Variants in AK8 observed in about 807,000 individuals in gnomAD.
AK8 encodes the protein ATP-AMP transphosphorylase 8.
A neutral mutation model predicts 54.6 loss-of-function variants in AK8; 44 were observed. That is an observed-to-expected ratio of 0.81 (90% CI 0.63 to 1.04). The LOEUF (loss-of-function observed/expected upper bound fraction) is 1.04. Among genes scored for constraint, AK8 ranks in the 50% least tolerant of loss-of-function variants. The pLI is 0.00. For missense variants in AK8, 555 were observed against 613.6 expected, an observed-to-expected ratio of 0.90 and a Z score of 1.01; for synonymous variants, 239 against 245.6, an observed-to-expected ratio of 0.97 and a Z score of 0.25.
intron 11 of AK8, among the ~76,000 whole-genome samples, chr9:132,730,434 CTG>C (rs1491097189): frequency 1.3e-5 from 1 of 78,562 alleles, no homozygotes; most frequent in Non-Finnish European, 2.6e-5. Context: ...TGCCCACTGC[CTG>C]TTTTTTTTTT....
intron 11 of AK8, among the ~76,000 whole-genome samples, chr9:132,779,899 T>C (rs991490923): frequency 6.6e-6 from 1 of 152,210 alleles, no homozygotes; most frequent in African/African-American, 2.4e-5. Flanking sequence ...AGCAAGGACA[T>C]GGCTTCTCTA....
At chr9:132,878,946 A>C (rs1045851986), upstream of AK8, 2 of 199,040 alleles carry the variant, frequency 1.0e-5, no homozygotes, top group Non-Finnish European at 1.8e-5. The surrounding 1 kb of genome is among the most constrained non-coding windows in gnomAD (Gnocchi z 4.7). Flanking sequence ...CGGGGCACCG[A>C]CACTCACGGA....
chr9:132,866,970 T>C lies in AK8; in HGVS notation c.170-17A>G, dbSNP rs779726242. 4 of 1,613,826 alleles carry C rather than the reference T, an allele frequency of 2.5e-6. No homozygotes were observed. The highest frequency in any genetic ancestry group is 1.7e-5 in the Admixed American group (1 of 60,006). On this transcript the variant is annotated splice_polypyrimidine_tract_variant and intron_variant, in intron 2 of 12. Transcript: ENST00000298545. The stretch of plus-strand genomic sequence containing the variant: ...TCCTGGGCACTGTGGAATAAAAAGA[T>C]TTGAATGTCACCACTCAACATGACA...
chr9:132,861,877 C>T (rs1843402947), intron 4 of AK8, among the ~76,000 whole-genome samples: 2 of 152,206 alleles, frequency 1.3e-5, no homozygotes, highest in Admixed American at 1.3e-4. Flanking sequence ...GCCTGACATC[C>T]AGGCCTTTCA....
intron 10 of AK8, among the ~76,000 whole-genome samples, chr9:132,811,827 T>C (rs997262490): frequency 4.6e-5 from 7 of 152,210 alleles, no homozygotes; most frequent in Admixed American, 2.0e-4. Context: ...TTTAGTATTA[T>C]TGAAGGACTG....
chr9:132,827,338 GACTC>G (rs1841915064), intron 7 of AK8: 2 of 495,712 alleles, frequency 4.0e-6, no homozygotes, highest in Non-Finnish European at 3.7e-6. Context: ...GGCACCTGCA[GACTC>G]CCATTTCATC....
intron 11 of AK8, among the ~76,000 whole-genome samples, chr9:132,745,533 A>G (rs1016589989): frequency 5.9e-5 from 9 of 152,178 alleles, no homozygotes; most frequent in African/African-American, 2.2e-4. Flanking sequence ...TGTCTGGGCC[A>G]TTAGGTGATT....
At position 132,766,546 on chromosome 9, in the gene AK8, T is replaced by C. The variant is rs536893783; in HGVS notation, c.1121+26088A>G. ...TTCCATGTTCATGGATTGGAAGAAT[T>C]AATATTGTGAAAGTGACCATACTAC... On this transcript the variant is annotated intron_variant, in intron 11 of 12. Coordinates refer to ENST00000298545, the MANE Select transcript of AK8 (RefSeq NM_152572.3). Among the ~76,000 whole-genome samples the C allele has an allele frequency of 3.9e-5, 6 of 152,254 alleles. 1 individual carries two copies. In the South Asian group the frequency reaches 1.2e-3, roughly 32 times the overall value.
chr9:132,822,617 T>A (rs1482980023), intron 9 of AK8, among the ~76,000 whole-genome samples: 1 of 151,964 alleles, frequency 6.6e-6, no homozygotes, highest in African/African-American at 2.4e-5. Flanking sequence ...CATCCCTTTA[T>A]CCTCCTGAAC....
intron 8 of AK8, among the ~76,000 whole-genome samples, chr9:132,823,693 T>C (rs1456798968): frequency 2.6e-5 from 4 of 152,212 alleles, no homozygotes; most frequent in East Asian, 3.8e-4. Context: ...GCACTCTCTA[T>C]AGGGCTGGTG....
chr9:132,871,600 A>AC (rs929105457), intron 2 of AK8, among the ~76,000 whole-genome samples: 110 of 151,846 alleles, frequency 7.2e-4, no homozygotes, highest in African/African-American at 2.3e-3. Context: ...AGGAGGACAG[A>AC]CCCCCCCGGC....
At chr9:132,877,866 G>T (rs754219632) in intron 1 of AK8, 1 of 643,914 alleles carries the variant, frequency 1.6e-6, no homozygotes, top group South Asian at 1.5e-5. Flanking sequence ...GGGAAACCGA[G>T]AAAAGGAAAG....
At chr9:132,741,425 G>T (rs181934961) in intron 11 of AK8, among the ~76,000 whole-genome samples, 66 of 152,310 alleles carry the variant, frequency 4.3e-4, no homozygotes, top group African/African-American at 1.5e-3. Flanking sequence ...GATCAACACT[G>T]AAGTCGCTCT....
chr9:132,871,750 G>A (rs1475915340), intron 2 of AK8, among the ~76,000 whole-genome samples: 5 of 152,236 alleles, frequency 3.3e-5, no homozygotes, highest in Admixed American at 1.3e-4. Context: ...CCAGACCTTC[G>A]GATGAAGGGA....
At chr9:132,846,492 C>T (rs1375629459) in intron 5 of AK8, among the ~76,000 whole-genome samples, 3 of 150,528 alleles carry the variant, frequency 2.0e-5, no homozygotes, top group Non-Finnish European at 4.4e-5. Flanking sequence ...TGATTTGTTG[C>T]ATGAGAGAAT....
chr9:132,772,928 C>T (rs559052315), intron 11 of AK8, among the ~76,000 whole-genome samples: 1 of 152,298 alleles, frequency 6.6e-6, no homozygotes, highest in South Asian at 2.1e-4. Context: ...TGCCAACAGC[C>T]CTATACCTGG....
In AK8 at chr9:132,770,682, G is replaced by A. The variant is rs376685746; in HGVS notation, c.1121+21952C>T. 6.6e-6 allele frequency among the ~76,000 whole-genome samples: 1 copy of A among 152,338 alleles called. No homozygotes were observed. The highest frequency in any genetic ancestry group is 1.9e-4 in the East Asian group (1 of 5,168). ...TGGGCCGAGATCGAGACCGGGACAA[G>A]GCAGGGAAGAGCGGGATGGGTCGGC... On this transcript the variant is annotated intron_variant, in intron 11 of 12. Transcript: ENST00000298545. This position sits in a 1 kb window ranked among gnomAD's most constrained non-coding sequence, Gnocchi z 4.3.
intron 4 of AK8, among the ~76,000 whole-genome samples, chr9:132,857,756 A>T (rs751989041): frequency 4.6e-5 from 7 of 152,232 alleles, no homozygotes; most frequent in Non-Finnish European, 8.8e-5. Context: ...AAAGGCGGAC[A>T]GCCCCGGTGG....
chr9:132,829,689 T>C (rs1842029528), intron 5 of AK8, among the ~76,000 whole-genome samples: 1 of 152,148 alleles, frequency 6.6e-6, no homozygotes, highest in African/African-American at 2.4e-5. Context: ...AGCCCCCTCT[T>C]GGTACAGCTA....
Sources: allele counts gnomAD v4.1 joint callset (sites outside exome capture counted in the v4.1 genomes callset), GRCh38; gene constraint gnomAD v4.1.1; non-coding constraint Gnocchi (gnomAD v3.1); transcripts MANE v1.5; gene names NCBI Gene and HGNC (gene_info 2026-07-23, HGNC 2026-07-21).